The following BBX variants were observed in gnomAD, a reference collection of about 807,000 sequenced individuals.
BBX encodes BBX high mobility group box domain containing.
Under a neutral mutation model 100.2 loss-of-function variants are expected in BBX, and 30 were observed. The ratio of observed to expected loss-of-function variants is 0.30; its 90% CI spans 0.22 to 0.41. BBX has a LOEUF of 0.41. Among genes scored for constraint, BBX ranks in the 10% least tolerant of loss-of-function variants. The pLI, the probability that BBX is intolerant of heterozygous loss-of-function variation, is 1.00. For missense variants in BBX, 1,023 were observed against 1,129.8 expected (o/e 0.91, Z 1.35); for synonymous variants, 376 against 388.1 (o/e 0.97, Z 0.37).
chr3:107,633,425 C>A (rs2107736415), intron 2 of BBX, among the ~76,000 whole-genome samples: 1 of 152,190 alleles, frequency 6.6e-6, no homozygotes, highest in African/African-American at 2.4e-5. Flanking sequence ...TGATATTAAT[C>A]ATGATTTAAA....
At chr3:107,687,222 GTTAA>G (rs1244178492) in intron 3 of BBX, among the ~76,000 whole-genome samples, 1 of 151,952 alleles carries the variant, frequency 6.6e-6, no homozygotes, top group East Asian at 1.9e-4. Flanking sequence ...AGAATCCAGC[GTTAA>G]TTAATAATGG....
chr3:107,581,994 G>A (rs998476913), intron 2 of BBX, among the ~76,000 whole-genome samples: 1 of 151,830 alleles, frequency 6.6e-6, no homozygotes, highest in African/African-American at 2.4e-5. Flanking sequence ...ATATATATGA[G>A]CCAAGGTATT....
intron 15 of BBX, 60 bp from the exon 16 acceptor site, chr3:107,798,463 A>C (rs2069998818): frequency 3.3e-6 from 5 of 1,503,874 alleles, no homozygotes; most frequent in Admixed American, 3.4e-5. Flanking sequence ...TTTCCTTCTA[A>C]GAGCAATTTT....
chr3:107,737,471 T>C (rs2063715679), intron 7 of BBX, among the ~76,000 whole-genome samples: 1 of 152,152 alleles, frequency 6.6e-6, no homozygotes, highest in African/African-American at 2.4e-5. Context: ...GTAGCTGAGT[T>C]AGTGTCAGAT....
chr3:107,561,203 T>G (rs1576310014), intron 2 of BBX, among the ~76,000 whole-genome samples: 2 of 152,326 alleles, frequency 1.3e-5, no homozygotes, highest in Admixed American at 1.3e-4. Flanking sequence ...TTATATAAGA[T>G]GTAGAATAAA....
intron 4 of BBX, among the ~76,000 whole-genome samples, chr3:107,713,967 C>CTTTTTTTTTTTTTTTTTTTTTTTTTT (rs569427270): frequency 2.4e-5 from 2 of 82,282 alleles, no homozygotes; most frequent in African/African-American, 3.9e-5. Context: ...TAATTTTTTT[C>CTTTTTTTTTTTTTTTTTTTTTTTTTT]TTTTTTTTTT....
chr3:107,563,383 T>C (rs1175008652), intron 2 of BBX, among the ~76,000 whole-genome samples: 1 of 152,222 alleles, frequency 6.6e-6, no homozygotes, highest in Admixed American at 6.5e-5. Flanking sequence ...AATATCTCTA[T>C]ACAAAGCCTG....
At chr3:107,646,141 A>G (rs1018034379) in intron 3 of BBX, 3 of 152,224 alleles carry the variant, frequency 2.0e-5, no homozygotes, top group African/African-American at 7.2e-5. Flanking sequence ...GCGGTTTCAA[A>G]ATCTCTGATT....
At chr3:107,730,835 A>G (rs1359434220) in intron 6 of BBX, among the ~76,000 whole-genome samples, 2 of 152,208 alleles carry the variant, frequency 1.3e-5, no homozygotes, top group East Asian at 3.8e-4. Flanking sequence ...ATTTCCAGGT[A>G]TGTTCCTTTT....
intron 12 of BBX, among the ~76,000 whole-genome samples, chr3:107,777,616 T>C (rs1231982940): frequency 2.0e-5 from 3 of 152,170 alleles, no homozygotes; most frequent in African/African-American, 7.2e-5. Context: ...TTGCCATTGC[T>C]GTGGGACCCT....
intron 1 of BBX, among the ~76,000 whole-genome samples, chr3:107,525,822 C>T (rs1291330879): frequency 1.3e-5 from 2 of 152,134 alleles, no homozygotes; most frequent in Admixed American, 6.6e-5. Flanking sequence ...GTTTGGGAGA[C>T]GGCAGTGGCC....
chr3:107,729,413 T>C (rs908135151), intron 6 of BBX, among the ~76,000 whole-genome samples: 2 of 152,122 alleles, frequency 1.3e-5, no homozygotes, highest in Admixed American at 6.6e-5. Flanking sequence ...AAATCTGAGA[T>C]TGGACCTGAT....
chr3:107,582,305 A>G (rs1325624486), intron 2 of BBX, among the ~76,000 whole-genome samples: 5 of 151,792 alleles, frequency 3.3e-5, no homozygotes, highest in Admixed American at 2.6e-4. Flanking sequence ...TTTTTTTTAA[A>G]CACATTTTTG....
At chr3:107,607,178 C>T (rs2054511500) in intron 2 of BBX, among the ~76,000 whole-genome samples, 2 of 152,122 alleles carry the variant, frequency 1.3e-5, no homozygotes, top group Non-Finnish European at 2.9e-5. Flanking sequence ...CTCACTGCAA[C>T]CTCCATCTCC....
chr3:107,560,321 A>C (rs559174147), intron 2 of BBX, among the ~76,000 whole-genome samples: 1 of 152,316 alleles, frequency 6.6e-6, no homozygotes, highest in South Asian at 2.1e-4. Context: ...CCAAAAAAAA[A>C]GTAATTAAAT....
rs147808746 is a variant in BBX, at chr3:107,588,468, G to A, written c.-83-57368G>A. ...AGGAGCTAACGTGTTGGAATGAGAT[G>A]CAGGTGGAAGGATGAGAGGGGTGTG... On this transcript the variant is annotated intron_variant, in intron 2 of 17. Coordinates refer to ENST00000325805, the MANE Select transcript of BBX (RefSeq NM_001142568.3). Among the ~76,000 whole-genome samples, 81 of 152,242 alleles carry A rather than the reference G, an allele frequency of 5.3e-4. No homozygotes were observed. In the East Asian group the frequency reaches 0.015, roughly 29 times the overall value.
chr3:107,776,773 A>G (rs1189302663), intron 12 of BBX, among the ~76,000 whole-genome samples: 2 of 152,170 alleles, frequency 1.3e-5, no homozygotes, highest in Non-Finnish European at 2.9e-5. Flanking sequence ...TACGTCTCAC[A>G]TTTTCAGTTT....
At chr3:107,733,167 G>T (rs2063416788) in intron 7 of BBX, 144 bp downstream of exon 7, 2 of 711,928 alleles carry the variant, frequency 2.8e-6, no homozygotes, top group Admixed American at 3.0e-5. Flanking sequence ...AGATCTTTCT[G>T]TGTGTCTTGT....
chr3:107,543,255 C>T (rs539991748), intron 2 of BBX, among the ~76,000 whole-genome samples: 97 of 152,234 alleles, frequency 6.4e-4, no homozygotes, highest in African/African-American at 2.3e-3. Context: ...GATTAAGAAA[C>T]TAGGACCCAG....
Sources: allele counts gnomAD v4.1 joint callset (sites outside exome capture counted in the v4.1 genomes callset), GRCh38; gene constraint gnomAD v4.1.1; transcripts MANE v1.5; gene names NCBI Gene and HGNC (gene_info 2026-07-23, HGNC 2026-07-21).